The following FAT3 variants were observed in gnomAD, a reference collection of about 807,000 sequenced individuals.
FAT3 encodes the protein FAT atypical cadherin 3.
In FAT3, 95 loss-of-function variants were observed where a neutral mutation model predicts 310.2. That is an observed-to-expected ratio of 0.31 (90% CI 0.26 to 0.36). FAT3 has a LOEUF of 0.36. Ranked by LOEUF, FAT3 falls within the 10% of genes least tolerant of loss-of-function variation. The pLI is 1.00. For synonymous variants in FAT3, 2,314 were observed against 2,192.9 expected (o/e 1.06, Z -1.54); for missense variants, 5,408 against 5,715.6 (o/e 0.95, Z 1.74).
intron 1 of FAT3, among the ~76,000 whole-genome samples, chr11:92,330,999 TGTGTGAGA>T (rs1328893569): frequency 2.5e-5 from 3 of 117,894 alleles, no homozygotes; most frequent in African/African-American, 5.8e-5. Context: ...TGTGTGTGTG[TGTGTGAGA>T]GAGAGAGAGA....
At chr11:92,741,222 G>A (rs573533427) in intron 4 of FAT3, among the ~76,000 whole-genome samples, 6 of 152,080 alleles carry the variant, frequency 3.9e-5, no homozygotes, top group Non-Finnish European at 5.9e-5. Flanking sequence ...TTTAATTTTC[G>A]TGGAGACAAA....
intron 10 of FAT3, among the ~76,000 whole-genome samples, 170 bp from the exon 11 acceptor site, chr11:92,804,983 A>C: frequency 6.6e-6 from 1 of 152,362 alleles, no homozygotes; most frequent in East Asian, 1.9e-4. Context: ...GCATATAAAT[A>C]TCATGCTTTG....
At chr11:92,710,616 C>T (rs77212265) in intron 4 of FAT3, among the ~76,000 whole-genome samples, 1 of 152,154 alleles carries the variant, frequency 6.6e-6, no homozygotes, top group Non-Finnish European at 1.5e-5. Context: ...GCATTTTTTA[C>T]AACAGAAGGT....
intron 2 of FAT3, among the ~76,000 whole-genome samples, chr11:92,492,945 GA>G (rs1189620026): frequency 6.6e-6 from 1 of 152,078 alleles, no homozygotes; most frequent in Admixed American, 6.6e-5. Flanking sequence ...AGTCAGAGGT[GA>G]AAATAAGAGG....
chr11:92,674,827 C>G (rs928859497), intron 3 of FAT3, among the ~76,000 whole-genome samples: 1 of 152,162 alleles, frequency 6.6e-6, no homozygotes, highest in Non-Finnish European at 1.5e-5. Context: ...CTAGCTCAGC[C>G]TCTTTATCTT....
chr11:92,368,084 T>C (rs539225462), intron 2 of FAT3, among the ~76,000 whole-genome samples: 3 of 152,326 alleles, frequency 2.0e-5, no homozygotes, highest in Non-Finnish European at 4.4e-5. Flanking sequence ...AACATAGTAT[T>C]TTTTTAAATG....
At chr11:92,495,255 G>A (rs1952720116) in intron 2 of FAT3, among the ~76,000 whole-genome samples, 1 of 152,064 alleles carries the variant, frequency 6.6e-6, no homozygotes, top group Non-Finnish European at 1.5e-5. Context: ...TAGATGAAAT[G>A]GCTGAGGTTC....
chr11:92,708,845 T>G (rs1944438231), intron 4 of FAT3, among the ~76,000 whole-genome samples: 1 of 152,232 alleles, frequency 6.6e-6, no homozygotes, highest in Non-Finnish European at 1.5e-5. Flanking sequence ...CTGGCCACCA[T>G]CCACTTAAAT....
Position 92,890,870 on chromosome 11 carries a change from T to C in FAT3, c.13527T>C (p.Pro4509=), listed in dbSNP as rs370497984. The change falls in exon 28 of 28, where the codon CCT becomes CCC. Residue 4509 remains proline, a synonymous_variant. Transcript: ENST00000525166. The stretch of plus-strand genomic sequence containing the variant: ...ACGAAACGGATTTGGTGGGCCCGCC[T>C]GCCAGCTGTGAATTTAGTACTTTTG... ...FPNETDLVGP[P]ASCEFSTFAV... 4 of 1,613,902 alleles carry C rather than the reference T, an allele frequency of 2.5e-6. No individual in the cohort carries two copies. Among genetic ancestry groups the C allele is most frequent in the African/African-American group, 1.3e-5 (1 of 74,930 alleles).
chr11:92,869,355 C>G (rs1402941116), intron 22 of FAT3, among the ~76,000 whole-genome samples: 1 of 152,202 alleles, frequency 6.6e-6, no homozygotes, highest in Admixed American at 6.5e-5. Flanking sequence ...ATTTGGGACT[C>G]TCATGCACAG....
chr11:92,518,162 G>A lies in FAT3; in HGVS notation c.3293-6472G>A, dbSNP rs566084019. ...CATTTTACCCAGCAATCCCATTACT[G>A]TGTATATACCCAAAGGATTATAAAT... is the stretch of plus-strand genomic sequence containing the variant. On this transcript the variant is annotated intron_variant, in intron 2 of 27. Coordinates refer to ENST00000525166, the MANE Select transcript of FAT3 (RefSeq NM_001367949.2). Among the ~76,000 whole-genome samples the A allele has an allele frequency of 2.0e-5, 3 of 152,190 alleles. No homozygotes were observed. The South Asian group carries it at 6.2e-4, about 32-fold the overall frequency.
At chr11:92,729,493 C>T (rs1945107038) in intron 4 of FAT3, among the ~76,000 whole-genome samples, 1 of 145,070 alleles carries the variant, frequency 6.9e-6, no homozygotes, top group African/African-American at 2.6e-5. Flanking sequence ...GTGGCGTGAT[C>T]TCGGCTCACT....
At chr11:92,310,321 C>CT (rs1947264760) in intron 1 of FAT3, among the ~76,000 whole-genome samples, 1 of 152,102 alleles carries the variant, frequency 6.6e-6, no homozygotes, top group Non-Finnish European at 1.5e-5. Context: ...GTAACATTTA[C>CT]ATTAATTGGT....
chr11:92,698,848 T>C (rs982505808), intron 4 of FAT3, among the ~76,000 whole-genome samples: 1 of 152,106 alleles, frequency 6.6e-6, no homozygotes, highest in Non-Finnish European at 1.5e-5. Context: ...GGAAAGGCTG[T>C]GTTCTTAGAT....
At chr11:92,507,498 T>C (rs1292361055) in intron 2 of FAT3, among the ~76,000 whole-genome samples, 1 of 151,914 alleles carries the variant, frequency 6.6e-6, no homozygotes, top group African/African-American at 2.4e-5. Flanking sequence ...TATACACACA[T>C]ATATGTACAC....
Position 92,626,991 on chromosome 11 carries a change from C to T in FAT3, c.3608-70393C>T, listed in dbSNP as rs137865427. 2.0e-5 allele frequency among the ~76,000 whole-genome samples: 3 copies of T among 152,288 alleles called. No individual in the cohort carries two copies. The East Asian group carries it at 5.8e-4, about 29-fold the overall frequency. On this transcript the variant is annotated intron_variant, in intron 3 of 27. Transcript: ENST00000525166. ...AAATGAGTGAATTCTATTAATGGAG[C>T]TGTAACATTGTTGAAATAGGCATAG...
chr11:92,478,074 AC>A, intron 2 of FAT3, among the ~76,000 whole-genome samples: 1 of 152,354 alleles, frequency 6.6e-6, no homozygotes, highest in Admixed American at 6.5e-5. Flanking sequence ...GTTATTTAAG[AC>A]AGCTAGCTAT....
chr11:92,643,544 A>T (rs543373529), intron 3 of FAT3, among the ~76,000 whole-genome samples: 1 of 152,352 alleles, frequency 6.6e-6, no homozygotes, highest in Non-Finnish European at 1.5e-5. Context: ...GGATAAGATC[A>T]CTTGTTATGC....
intron 1 of FAT3, among the ~76,000 whole-genome samples, chr11:92,261,881 T>A (rs553972803): frequency 6.6e-6 from 1 of 152,214 alleles, no homozygotes; most frequent in African/African-American, 2.4e-5. Context: ...TTACCCATAT[T>A]TGTGGCTTTT....
Sources: gnomAD v4.1 joint callset for allele counts (sites outside exome capture counted in the v4.1 genomes callset) on GRCh38, gnomAD v4.1.1 for gene constraint, MANE v1.5 for transcripts, NCBI Gene and HGNC (gene_info 2026-07-23, HGNC 2026-07-21) for gene names.